Variants in SH3PXD2B observed in about 807,000 individuals in gnomAD.
SH3PXD2B encodes SH3 and PX domain-containing protein 2B.
In SH3PXD2B, 37 loss-of-function variants were observed where a neutral mutation model predicts 73.1. The ratio of observed to expected loss-of-function variants is 0.51; its 90% CI spans 0.39 to 0.67. The LOEUF is 0.67. SH3PXD2B is among the 30% of genes least tolerant of loss of function. The pLI, the probability that SH3PXD2B is intolerant of heterozygous loss-of-function variation, is 0.00. For missense variants in SH3PXD2B, 1,053 were observed against 1,197.8 expected, an observed-to-expected ratio of 0.88 and a Z score of 1.78; for synonymous variants, 457 against 480.5, an observed-to-expected ratio of 0.95 and a Z score of 0.64.
chr5:172,394,910 CT>C (rs1189045380), intron 3 of SH3PXD2B, among the ~76,000 whole-genome samples: 1 of 152,148 alleles, frequency 6.6e-6, no homozygotes, highest in Non-Finnish European at 1.5e-5. Flanking sequence ...CTGGAAGCAA[CT>C]GTGGAAGGAA....
In SH3PXD2B at chr5:172,338,023, A is replaced by G; in HGVS notation, c.*346T>C. Reference sequence around the variant, plus strand: ...GAGAGACCCTTGCTGGAGTTTCTCCAGGCAATGGGATCCAGTCCTGGAGGT... The same window carrying G: ...GAGAGACCCTTGCTGGAGTTTCTCCGGGCAATGGGATCCAGTCCTGGAGGT... On this transcript the variant is annotated 3_prime_UTR_variant, in exon 13 of 13. Transcript: ENST00000311601. This position sits in a 1 kb window ranked among gnomAD's most constrained non-coding sequence, Gnocchi z 5.1. 8.2e-7 allele frequency: 1 copy of G among 1,221,356 alleles called. No homozygotes were observed. The allele number at this position is 1,221,356 out of a possible 1,614,324, so 75.7% of individuals were successfully genotyped here. A position where few individuals can be genotyped will look rare whatever the true frequency, so the allele number is the denominator to read the frequency against.
At chr5:172,410,241 A>G (rs1039354400) in intron 2 of SH3PXD2B, among the ~76,000 whole-genome samples, 3 of 152,182 alleles carry the variant, frequency 2.0e-5, no homozygotes, top group Non-Finnish European at 4.4e-5. Context: ...TGGTGGCTAT[A>G]CTAGTTTACG....
At chr5:172,325,354 G>A in exon 13 of SH3PXD2B, 1 of 1,535,366 alleles carries the variant, frequency 6.5e-7, no homozygotes, top group Non-Finnish European at 8.7e-7. Context: ...CTTCCACAGG[G>A]CTCTCCAAGT....
rs35951290 is a variant in SH3PXD2B at position 172,333,540 on chromosome 5, T to TA, written c.*4828dup. Reference sequence around the variant, plus strand: ...AAACCAGTCAAGCACTTTTTTTATTTAAAAAAAAAAAAAGGAAAGAAGTCA... The same window carrying TA: ...AAACCAGTCAAGCACTTTTTTTATTTAAAAAAAAAAAAAAGGAAAGAAGTCA... On this transcript the variant is annotated 3_prime_UTR_variant, in exon 13 of 13. Coordinates refer to ENST00000311601, the MANE Select transcript of SH3PXD2B (RefSeq NM_001017995.3). The TA allele has an allele frequency of 3.3e-3, 3,377 of 1,022,448 alleles. No homozygotes were observed. Among genetic ancestry groups the TA allele is most frequent in the East Asian group, 4.1e-3 (51 of 12,500 alleles). The allele number at this position is 1,022,448 out of a possible 1,614,324, so 63.3% of individuals were successfully genotyped here.
chr5:172,433,105 A>G (rs764213899), intron 1 of SH3PXD2B, among the ~76,000 whole-genome samples: 29 of 151,978 alleles, frequency 1.9e-4, no homozygotes, highest in Non-Finnish European at 3.4e-4. Flanking sequence ...TATGTAACAC[A>G]ATGGTGAGTA....
At position 172,353,208 on chromosome 5, in the gene SH3PXD2B, A is replaced by AATGTCCCGCCACACATCACAGCGC. The variant is rs1757196583; in HGVS notation, c.785+656_785+679dup. Among the ~76,000 whole-genome samples, 4 of 152,118 alleles carry AATGTCCCGCCACACATCACAGCGC rather than the reference A, an allele frequency of 2.6e-5. No homozygotes were observed. Among genetic ancestry groups the AATGTCCCGCCACACATCACAGCGC allele is most frequent in the African/African-American group, 9.7e-5 (4 of 41,402 alleles). ...TGCTCAGCCTCCTGGAAATGGCCCG[A>AATGTCCCGCCACACATCACAGCGC]ATGTCCCGCCACACATCACAGCGCA... On this transcript the variant is annotated intron_variant, in intron 9 of 12. Coordinates refer to ENST00000311601, the MANE Select transcript of SH3PXD2B (RefSeq NM_001017995.3). The surrounding 1 kb of genome is among the most constrained non-coding windows in gnomAD (Gnocchi z 4.3).
chr5:172,361,104 T>C (rs558836092), intron 7 of SH3PXD2B, among the ~76,000 whole-genome samples: 1 of 152,132 alleles, frequency 6.6e-6, no homozygotes, highest in South Asian at 2.1e-4. Flanking sequence ...AAAATACATA[T>C]ATATACATAC....
chr5:172,407,909 G>C lies in SH3PXD2B; in HGVS notation c.157-1557C>G, dbSNP rs538273555. On this transcript the variant is annotated intron_variant, in intron 2 of 12. Coordinates refer to ENST00000311601, the MANE Select transcript of SH3PXD2B (RefSeq NM_001017995.3). ...ACTGAAGGCCTGTAGCCAACAAAGC[G>C]GAGGGGCCAGAGACTGAAGACCACT... Among the ~76,000 whole-genome samples the C allele has an allele frequency of 2.7e-4, 41 of 152,338 alleles. No homozygotes were observed. The East Asian group carries it at 7.3e-3, about 27-fold the overall frequency.
chr5:172,337,235 G>A lies in SH3PXD2B; in HGVS notation c.*1134C>T, dbSNP rs1581257061. The A allele has an allele frequency of 2.0e-6, 2 of 985,634 alleles. No individual in the cohort carries two copies. The highest frequency in any genetic ancestry group is 2.4e-6 in the Non-Finnish European group (2 of 830,104). 61.1% of individuals were successfully genotyped at this position (985,634 alleles called of 1,614,324 possible). On this transcript the variant is annotated 3_prime_UTR_variant, in exon 13 of 13. Transcript: ENST00000311601. ...GGTGGGTGTGGGAGCAGCCACGAAT[G>A]CCCCCTCACCCCCCTCACAATGAAG...
At chr5:172,448,056 A>G (rs1292868555) in intron 1 of SH3PXD2B, among the ~76,000 whole-genome samples, 1 of 152,196 alleles carries the variant, frequency 6.6e-6, no homozygotes, top group Non-Finnish European at 1.5e-5. Flanking sequence ...GTTAAAGAAA[A>G]ACCTACCCAA....
At chr5:172,403,863 C>A (rs1758490156) in intron 3 of SH3PXD2B, among the ~76,000 whole-genome samples, 1 of 152,224 alleles carries the variant, frequency 6.6e-6, no homozygotes, top group Admixed American at 6.5e-5. Context: ...TACCAATAAT[C>A]TACTATGTGC....
At chr5:172,331,975 T>C (rs1343822648), downstream of SH3PXD2B, among the ~76,000 whole-genome samples, 1 of 151,892 alleles carries the variant, frequency 6.6e-6, no homozygotes, top group East Asian at 1.9e-4. Flanking sequence ...AAAAACAATA[T>C]GATAGGGAAT....
At chr5:172,341,371 G>C (rs1237323371) in intron 12 of SH3PXD2B, among the ~76,000 whole-genome samples, 9 of 152,280 alleles carry the variant, frequency 5.9e-5, no homozygotes, top group Non-Finnish European at 5.9e-5. Context: ...TTTGGGTCAC[G>C]GGGGCAGATC....
Position 172,339,802 on chromosome 5 carries a change from T to C in SH3PXD2B, c.1303A>G (p.Asn435Asp). The C allele has an allele frequency of 6.2e-7, 1 of 1,613,316 alleles. No homozygotes were observed. Among genetic ancestry groups the C allele is most frequent in the Non-Finnish European group, 8.5e-7 (1 of 1,179,274 alleles). Residue 435 changes from asparagine to aspartate, a missense_variant, in exon 13 of 13, where the codon AAC (asparagine) becomes GAC (aspartate). Coordinates refer to ENST00000311601, the MANE Select transcript of SH3PXD2B (RefSeq NM_001017995.3). The surrounding 1 kb of genome is among the most constrained non-coding windows in gnomAD (Gnocchi z 6.1). ...TCGTGGGGCAGGGGAGCCAGAAAGT[T>C]GGGTCTCGACGCGTTGCTCGTCTTC... The part of the protein sequence containing the change: ...YKKTSNASRP[N>D]FLAPLPHEVT...
rs1026559997 is a variant in SH3PXD2B at position 172,339,478 on chromosome 5, G to A, written c.1627C>T (p.Arg543Trp). Residue 543 changes from arginine to tryptophan, a missense_variant, in exon 13 of 13, where the codon CGG becomes TGG. Physicochemically the swap from Arg to Trp is moderately radical, Grantham distance 101 (BLOSUM62 -3). Coordinates refer to ENST00000311601, the MANE Select transcript of SH3PXD2B (RefSeq NM_001017995.3). The surrounding 1 kb of genome is among the most constrained non-coding windows in gnomAD (Gnocchi z 6.1). The part of the protein sequence containing the change: ...EGELLERERE[R>W]QRTEQLRGPT... ...CCCCGGAGCTGCTCCGTCCTCTGCC[G>A]CTCCCGCTCCCGCTCCAGCAGCTCC... 7 of 1,610,424 alleles carry A rather than the reference G, an allele frequency of 4.3e-6. No homozygotes were observed. The highest frequency in any genetic ancestry group is 1.4e-5 in the African/African-American group (1 of 72,378).
chr5:172,390,540 T>C (rs1285014797), intron 4 of SH3PXD2B, among the ~76,000 whole-genome samples: 1 of 152,188 alleles, frequency 6.6e-6, no homozygotes, highest in Non-Finnish European at 1.5e-5. Flanking sequence ...CAAGCCACTG[T>C]GGCACGCTCC....
At chr5:172,404,182 T>A (rs1358739945) in intron 3 of SH3PXD2B, among the ~76,000 whole-genome samples, 3 of 152,176 alleles carry the variant, frequency 2.0e-5, no homozygotes, top group Admixed American at 6.5e-5. Context: ...CTAAACCCAT[T>A]CAGTGACATT....
chr5:172,411,001 C>T (rs1047708657), intron 2 of SH3PXD2B, among the ~76,000 whole-genome samples: 3 of 152,144 alleles, frequency 2.0e-5, no homozygotes, highest in African/African-American at 4.8e-5. Context: ...TTCAGAGTGT[C>T]ACGTGAACAC....
chr5:172,407,028 G>C (rs1203358433), intron 2 of SH3PXD2B, among the ~76,000 whole-genome samples: 1 of 152,138 alleles, frequency 6.6e-6, no homozygotes, highest in Non-Finnish European at 1.5e-5. Context: ...AAGCTTCAGG[G>C]ACTTCATGTG....
Sources: gnomAD v4.1 joint callset for allele counts (sites outside exome capture counted in the v4.1 genomes callset) on GRCh38, gnomAD v4.1.1 for gene constraint, Gnocchi (gnomAD v3.1) non-coding constraint, MANE v1.5 for transcripts, NCBI Gene and HGNC (gene_info 2026-07-23, HGNC 2026-07-21) for gene names.